ERN1: variants seen among roughly 807,000 people sequenced by gnomAD.
The protein encoded by ERN1 is endoplasmic reticulum to nucleus signaling 1, also known as serine/threonine-protein kinase/endoribonuclease IRE1.
Under a neutral mutation model 113.1 loss-of-function variants are expected in ERN1, and 39 were observed. The ratio of observed to expected loss-of-function variants is 0.34; its 90% confidence interval spans 0.27 to 0.45. The LOEUF (loss-of-function observed/expected upper bound fraction) is 0.45. Ranked by LOEUF, ERN1 falls within the 20% of genes least tolerant of loss-of-function variation. ERN1 has a pLI of 1.00. For synonymous variants in ERN1, 507 were observed against 515.9 expected (o/e 0.98, Z 0.23); for missense variants, 976 against 1,274.8 (o/e 0.77, Z 3.57).
chr17:64,126,346 A>T (rs1915080243), intron 1 of ERN1, among the ~76,000 whole-genome samples: 1 of 152,332 alleles, frequency 6.6e-6, no homozygotes, highest in Non-Finnish European at 1.5e-5. Context: ...GAAACCAAAG[A>T]GGTTTCCTAT....
chr17:64,075,710 T>C (rs1348419725), intron 4 of ERN1, among the ~76,000 whole-genome samples: 1 of 152,246 alleles, frequency 6.6e-6, no homozygotes, highest in Non-Finnish European at 1.5e-5. Context: ...TCCAGGGTGC[T>C]TCCCAGGGGT....
Position 64,047,902 on chromosome 17 carries a change from G to A in ERN1, c.2485C>T (p.His829Tyr), listed in dbSNP as rs1355819931. Residue 829 changes from histidine to tyrosine, a missense_variant, in exon 19 of 22, where the codon CAC becomes TAC. Physicochemically the swap from His to Tyr is moderately conservative, Grantham distance 83 (BLOSUM62 2). Transcript: ENST00000433197. The part of the protein sequence containing the change: ...KRPSAKHVLK[H>Y]PFFWSLEKQL... ...TTCTCTAGGCTCCAGAAGAACGGGT[G>A]TTTGAGCACATGCTTCGCTGAGGGG... is the stretch of plus-strand genomic sequence containing the variant. 1 of 1,613,216 alleles carries A rather than the reference G, an allele frequency of 6.2e-7. No individual in the cohort carries two copies. Among genetic ancestry groups the A allele is most frequent in the Non-Finnish European group, 8.5e-7 (1 of 1,179,424 alleles).
rs763430978 is a variant in ERN1, at chr17:64,066,812, C to T, written c.701G>A (p.Arg234Gln). The change falls in exon 8 of 22, where the codon CGG becomes CAG. Residue 234 changes from arginine to glutamine, a missense_variant. Coordinates refer to ENST00000433197, the MANE Select transcript of ERN1 (RefSeq NM_001433.5). The stretch of plus-strand genomic sequence containing the variant: ...GTGCATCACCTTCCTCAGACCCTCC[C>T]GCTGCCAGACATAAAAGGCCACCAC... ...SPVVAFYVWQ[R>Q]EGLRKVMHIN... 8.1e-6 allele frequency: 13 copies of T among 1,613,810 alleles called. No individual in the cohort carries two copies. The highest frequency in any genetic ancestry group is 4.5e-5 in the East Asian group (2 of 44,884).
chr17:64,129,650 A>G, intron 1 of ERN1: 1 of 369,942 alleles, frequency 2.7e-6, no homozygotes, highest in Non-Finnish European at 4.8e-6. Flanking sequence ...GCCTTCTGGG[A>G]CCCCCAAGTG....
intron 12 of ERN1, among the ~76,000 whole-genome samples, chr17:64,056,150 G>A (rs1245594650): frequency 6.6e-6 from 1 of 152,206 alleles, no homozygotes; most frequent in African/African-American, 2.4e-5. Context: ...TTAGATCCTT[G>A]CTCATACAGC....
chr17:64,072,155 C>G, intron 5 of ERN1, 52 bp from the exon 6 acceptor site: 1 of 1,597,568 alleles, frequency 6.3e-7, no homozygotes, highest in Non-Finnish European at 8.5e-7. Flanking sequence ...AAAAAAGTAT[C>G]GCTGCCAAAC....
At chr17:64,089,761 G>C in intron 2 of ERN1, among the ~76,000 whole-genome samples, 1 of 152,292 alleles carries the variant, frequency 6.6e-6, no homozygotes, top group Non-Finnish European at 1.5e-5. Flanking sequence ...GCCCTGTCTA[G>C]ATAAATGCAG....
intron 2 of ERN1, 58 bp downstream of exon 2, chr17:64,098,063 T>A (rs1194809690): frequency 6.3e-7 from 1 of 1,597,824 alleles, no homozygotes; most frequent in African/African-American, 1.3e-5. Flanking sequence ...CCAGAATATG[T>A]TTCTGTGGAA....
chr17:64,107,946 C>T (rs1254437722), intron 1 of ERN1, among the ~76,000 whole-genome samples: 1 of 152,178 alleles, frequency 6.6e-6, no homozygotes, highest in Non-Finnish European at 1.5e-5. Flanking sequence ...ACCAGTCTAT[C>T]GGCTGTTATG....
chr17:64,106,675 C>A (rs1474936597), intron 1 of ERN1, among the ~76,000 whole-genome samples: 1 of 150,676 alleles, frequency 6.6e-6, no homozygotes, highest in African/African-American at 2.4e-5. Flanking sequence ...AAGACACTTT[C>A]TGGCATGCCA....
In ERN1 at chr17:64,079,653, T is replaced by C; in HGVS notation, c.282+9A>G. On this transcript the variant is annotated intron_variant, in intron 4 of 21. Transcript: ENST00000433197. ...CCCTGGAGTACAAAAAGCAGCTAAATATACTCACCGTCAGGCCTTCATTAT... is the reference window on the plus strand; with the variant it reads ...CCCTGGAGTACAAAAAGCAGCTAAACATACTCACCGTCAGGCCTTCATTAT... 1 of 1,611,850 alleles carries C rather than the reference T, an allele frequency of 6.2e-7. No individual in the cohort carries two copies. The highest frequency in any genetic ancestry group is 8.5e-7 in the Non-Finnish European group (1 of 1,177,986).
intron 11 of ERN1, among the ~76,000 whole-genome samples, chr17:64,059,271 C>A (rs919613170): frequency 6.6e-6 from 1 of 152,206 alleles, no homozygotes; most frequent in African/African-American, 2.4e-5. Context: ...TGAAAGTCTA[C>A]AATTTCCTTT....
chr17:64,103,112 C>T (rs1014561390), intron 1 of ERN1, among the ~76,000 whole-genome samples: 4 of 152,094 alleles, frequency 2.6e-5, no homozygotes, highest in Admixed American at 6.5e-5. Flanking sequence ...CTCACTGCAG[C>T]CCTACTCAGC....
At chr17:64,073,331 G>A (rs1388498554) in intron 5 of ERN1, among the ~76,000 whole-genome samples, 4 of 84,240 alleles carry the variant, frequency 4.7e-5, no homozygotes, top group African/African-American at 6.1e-5. Flanking sequence ...ACCACACCCA[G>A]CAAATTTTTT....
intron 1 of ERN1, among the ~76,000 whole-genome samples, chr17:64,125,580 C>T (rs778408803): frequency 9.9e-5 from 15 of 152,138 alleles, no homozygotes; most frequent in Admixed American, 2.0e-4. Flanking sequence ...CCTCTACCTC[C>T]CAGGTTCAAG....
intron 1 of ERN1, among the ~76,000 whole-genome samples, chr17:64,122,291 G>A (rs1309205917): frequency 1.3e-5 from 2 of 152,156 alleles, no homozygotes; most frequent in African/African-American, 4.8e-5. Context: ...TGGGAGAGGA[G>A]GGTAATGCCT....
chr17:64,129,753 C>G, intron 1 of ERN1: 1 of 397,938 alleles, frequency 2.5e-6, no homozygotes, highest in Admixed American at 4.5e-5. Context: ...GCTCTTCGGG[C>G]GGCCGACGCC....
At chr17:64,105,061 C>T (rs1404754195) in intron 1 of ERN1, among the ~76,000 whole-genome samples, 1 of 152,164 alleles carries the variant, frequency 6.6e-6, no homozygotes, top group Non-Finnish European at 1.5e-5. Context: ...GAGAGTCACA[C>T]ACTTCTCAGG....
At position 64,106,512 on chromosome 17, in the gene ERN1, C is replaced by T. The variant is rs79558605; in HGVS notation, c.55-8271G>A. 6.1e-4 allele frequency among the ~76,000 whole-genome samples: 93 copies of T among 152,236 alleles called. 1 individual carries two copies. In the East Asian group the frequency reaches 0.016, roughly 26 times the overall value. On this transcript the variant is annotated intron_variant, in intron 1 of 21. Transcript: ENST00000433197. ...TCAAAAAAAGCAAGATAAGGCTGAT[C>T]CACCACACATGTGGATGTGGTGAGG...
Sources: allele counts gnomAD v4.1 joint callset (sites outside exome capture counted in the v4.1 genomes callset), GRCh38; gene constraint gnomAD v4.1.1; transcripts MANE v1.5; gene names NCBI Gene and HGNC (gene_info 2026-07-23, HGNC 2026-07-21).